EPB41: variants seen among roughly 807,000 people sequenced by gnomAD.
EPB41 encodes protein 4.1.
Under a neutral mutation model 108.0 loss-of-function variants are expected in EPB41, and 65 were observed. The ratio of observed to expected loss-of-function variants is 0.60; its 90% CI spans 0.49 to 0.74. The LOEUF is 0.74. Ranked by LOEUF, EPB41 falls within the 30% of genes least tolerant of loss-of-function variation. The pLI, the probability that EPB41 is intolerant of heterozygous loss-of-function variation, is 0.00. For synonymous variants in EPB41, 336 were observed against 358.9 expected (o/e 0.94, Z 0.72); for missense variants, 875 against 1,037.0 (o/e 0.84, Z 2.15).
chr1:28,947,405 T>TCAGA lies in EPB41; in HGVS notation c.-8+32640_-8+32643dup, dbSNP rs749360542. 7.7e-3 allele frequency among the ~76,000 whole-genome samples: 887 copies of TCAGA among 114,672 alleles called. 5 individuals are homozygous for TCAGA. Among genetic ancestry groups the TCAGA allele is most frequent in the Admixed American group, 0.017 (156 of 9,388 alleles). The allele number at this position is 114,672 out of a possible 152,430, so 75.2% of individuals were successfully genotyped here. A position where few individuals can be genotyped will look rare whatever the true frequency, so the allele number is the denominator to read the frequency against. Reference sequence around the variant, plus strand: ...TCTGGCGACGGAGCGAGACTCCGTCTCAGACAAACAAACAAACAAACAAAC... The same window carrying TCAGA: ...TCTGGCGACGGAGCGAGACTCCGTCTCAGACAGACAAACAAACAAACAAACAAAC... On this transcript the variant is annotated intron_variant, in intron 1 of 20. Coordinates refer to ENST00000343067, the MANE Select transcript of EPB41 (RefSeq NM_001376013.1).
At chr1:29,101,471 C>T (rs748271080) in intron 17 of EPB41, among the ~76,000 whole-genome samples, 3 of 152,046 alleles carry the variant, frequency 2.0e-5, no homozygotes, top group Non-Finnish European at 4.4e-5. Context: ...TTCTCTCTTT[C>T]GTGGTCTAGA....
chr1:28,952,484 C>T (rs889643473), intron 1 of EPB41, among the ~76,000 whole-genome samples: 1 of 151,972 alleles, frequency 6.6e-6, no homozygotes, highest in Non-Finnish European at 1.5e-5. Context: ...CAATATGGCA[C>T]CACTGCACTC....
At chr1:28,974,864 G>A (rs1186428037) in intron 1 of EPB41, among the ~76,000 whole-genome samples, 1 of 149,720 alleles carries the variant, frequency 6.7e-6, no homozygotes, top group Non-Finnish European at 1.5e-5. Flanking sequence ...GCGTGATCTT[G>A]GCTCACTGCA....
intron 1 of EPB41, among the ~76,000 whole-genome samples, chr1:28,896,893 G>A (rs2090728286): frequency 6.6e-6 from 1 of 152,218 alleles, no homozygotes; most frequent in African/African-American, 2.4e-5. Context: ...TGGCCAGAGA[G>A]GAGAGGAGAG....
At position 28,887,238 on chromosome 1, in the gene EPB41, C is replaced by A; in HGVS notation, c.-8+28C>A. 7.8e-7 allele frequency: 1 copy of A among 1,279,682 alleles called. No homozygotes were observed. The highest frequency in any genetic ancestry group is 1.0e-6 in the Non-Finnish European group (1 of 984,568). 79.3% of individuals were successfully genotyped at this position (1,279,682 alleles called of 1,614,324 possible). A position where few individuals can be genotyped will look rare whatever the true frequency, so the allele number is the denominator to read the frequency against. ...GAGCCTGGACCACCTGGGGGGCGACCCTCGGTCCCCGGGAGGGACGGGGTT... is the reference window on the plus strand; with the variant it reads ...GAGCCTGGACCACCTGGGGGGCGACACTCGGTCCCCGGGAGGGACGGGGTT... On this transcript the variant is annotated intron_variant, in intron 1 of 16. Coordinates refer to the EPB41 transcript ENST00000347529. This position sits in a 1 kb window ranked among gnomAD's most constrained non-coding sequence, Gnocchi z 4.9.
At chr1:29,081,732 G>A (rs1040583533) in intron 16 of EPB41, among the ~76,000 whole-genome samples, 9 of 151,848 alleles carry the variant, frequency 5.9e-5, no homozygotes, top group Non-Finnish European at 4.4e-5. Flanking sequence ...CTACTCGGGA[G>A]GCTCAGGCAG....
chr1:29,017,888 A>C (rs2096596806), intron 6 of EPB41, among the ~76,000 whole-genome samples: 1 of 152,152 alleles, frequency 6.6e-6, no homozygotes, highest in South Asian at 2.1e-4. Context: ...TGTGGTACTT[A>C]GTATACTTAA....
At chr1:28,975,519 C>G (rs1341266701) in intron 1 of EPB41, among the ~76,000 whole-genome samples, 2 of 152,152 alleles carry the variant, frequency 1.3e-5, no homozygotes, top group Non-Finnish European at 2.9e-5. Context: ...CTAGCCTCTT[C>G]TGCCTCCACT....
chr1:29,031,852 T>G (rs959968558), intron 8 of EPB41: 5 of 152,030 alleles, frequency 3.3e-5, no homozygotes, highest in African/African-American at 9.7e-5. Context: ...TCCCAACAAT[T>G]TGGGAGGCTG....
At chr1:28,904,052 A>C (rs528149932) in intron 1 of EPB41, among the ~76,000 whole-genome samples, 2 of 151,862 alleles carry the variant, frequency 1.3e-5, no homozygotes, top group Admixed American at 6.6e-5. Context: ...TTTTCAGTAG[A>C]GACAGGGTTT....
At chr1:28,934,666 T>TTGTGTGTG (rs1204147204) in intron 1 of EPB41, among the ~76,000 whole-genome samples, 3,007 of 136,296 alleles carry the variant, frequency 0.022, 57 homozygotes, top group African/African-American at 0.046. Context: ...TCTTTTGACA[T>TTGTGTGTG]TGTGTGTGTG....
At chr1:29,068,921 C>G (rs555295126) in intron 16 of EPB41, 1 of 759,394 alleles carries the variant, frequency 1.3e-6, no homozygotes, top group African/African-American at 1.8e-5. Flanking sequence ...AATTCACACC[C>G]ACAGCCTTTC....
intron 1 of EPB41, among the ~76,000 whole-genome samples, chr1:28,904,857 C>G (rs982116668): frequency 2.0e-5 from 3 of 151,874 alleles, no homozygotes; most frequent in Admixed American, 6.6e-5. Flanking sequence ...CACGGTGAAA[C>G]CCCATCTCTA....
At chr1:28,901,967 T>C (rs2091363413) in intron 1 of EPB41, among the ~76,000 whole-genome samples, 2 of 152,244 alleles carry the variant, frequency 1.3e-5, no homozygotes, top group Non-Finnish European at 2.9e-5. Flanking sequence ...TCTCCTCGCA[T>C]TGGAATGTAA....
chr1:28,980,638 G>GC (rs1413567770), intron 1 of EPB41, among the ~76,000 whole-genome samples: 1 of 151,920 alleles, frequency 6.6e-6, no homozygotes, highest in Non-Finnish European at 1.5e-5. Flanking sequence ...AATTGCCTGA[G>GC]CCCAGGAAGT....
At chr1:28,898,726 C>A (rs1181505435) in intron 1 of EPB41, among the ~76,000 whole-genome samples, 2 of 152,244 alleles carry the variant, frequency 1.3e-5, no homozygotes, top group Non-Finnish European at 2.9e-5. Flanking sequence ...AAGCTGGCTC[C>A]CCTCCTGCCC....
intron 16 of EPB41, among the ~76,000 whole-genome samples, chr1:29,086,565 C>A (rs1035738142): frequency 6.6e-6 from 1 of 152,082 alleles, no homozygotes; most frequent in Non-Finnish European, 1.5e-5. Context: ...AGCCACCGCG[C>A]CCGGCCACCT....
intron 1 of EPB41, among the ~76,000 whole-genome samples, chr1:28,939,546 C>T (rs953156168): frequency 6.6e-6 from 1 of 151,980 alleles, no homozygotes; most frequent in Non-Finnish European, 1.5e-5. Flanking sequence ...CGGGTTCAAG[C>T]GATTCTCCTG....
rs192407430 is a variant in EPB41 at position 28,929,431 on chromosome 1, C to T, written c.-8+14663C>T. 2.7e-3 allele frequency among the ~76,000 whole-genome samples: 416 copies of T among 151,852 alleles called. 6 individuals are homozygous for T. The highest frequency in any genetic ancestry group is 9.5e-3 in the African/African-American group (394 of 41,440). The stretch of plus-strand genomic sequence containing the variant: ...TTTTTTAGTAGAGACGGGGTTTCAC[C>T]GTGTTAGCCAGGATGGTCTCGATCT... On this transcript the variant is annotated intron_variant, in intron 1 of 20. Coordinates refer to ENST00000343067, the MANE Select transcript of EPB41 (RefSeq NM_001376013.1).
Sources: allele counts gnomAD v4.1 joint callset (sites outside exome capture counted in the v4.1 genomes callset), GRCh38; gene constraint gnomAD v4.1.1; non-coding constraint Gnocchi (gnomAD v3.1); transcripts MANE v1.5; gene names NCBI Gene and HGNC (gene_info 2026-07-23, HGNC 2026-07-21).